The following SSBP2 variants were observed in gnomAD, a reference collection of about 807,000 sequenced individuals.
SSBP2 encodes the protein single stranded DNA binding protein 2.
In SSBP2, 17 loss-of-function variants were observed where a neutral mutation model predicts 61.8. The ratio of observed to expected loss-of-function variants is 0.28; its 90% CI spans 0.19 to 0.41. The LOEUF (loss-of-function observed/expected upper bound fraction) is 0.41. Among genes scored for constraint, SSBP2 ranks in the 10% least tolerant of loss-of-function variants. The pLI is 1.00. For synonymous variants in SSBP2, 139 were observed against 141.3 expected, an observed-to-expected ratio of 0.98 and a Z score of 0.12; for missense variants, 310 against 458.7, an observed-to-expected ratio of 0.68 and a Z score of 2.96.
rs78229408 is a variant in SSBP2 at position 81,488,947 on chromosome 5, A to T, written c.432+303T>A. Among the ~76,000 whole-genome samples the T allele has an allele frequency of 5.6e-3, 849 of 152,242 alleles. 16 individuals carry two copies. The East Asian group carries it at 0.07, about 13-fold the overall frequency. On this transcript the variant is annotated intron_variant, in intron 6 of 16. Coordinates refer to ENST00000320672, the MANE Select transcript of SSBP2 (RefSeq NM_012446.5). Reference sequence around the variant, plus strand: ...TTTTTTCTGTAAAGATCCAAATAGTAAATATTTTAGGGTTGCCGGCCACAT... The same window carrying T: ...TTTTTTCTGTAAAGATCCAAATAGTTAATATTTTAGGGTTGCCGGCCACAT...
intron 2 of SSBP2, among the ~76,000 whole-genome samples, chr5:81,641,364 C>T (rs1275895524): frequency 6.6e-6 from 1 of 152,178 alleles, no homozygotes; most frequent in African/African-American, 2.4e-5. Context: ...AAAAAAGCAT[C>T]ACATATATCA....
intron 9 of SSBP2, among the ~76,000 whole-genome samples, chr5:81,464,029 A>G (rs772662435): frequency 2.8e-4 from 42 of 152,164 alleles, no homozygotes; most frequent in Non-Finnish European, 5.6e-4. Flanking sequence ...TTGACCTCCC[A>G]AAGTGCTGGG....
chr5:81,419,853 T>C lies in SSBP2; in HGVS notation c.*651A>G, dbSNP rs901397293. 1 of 152,224 alleles carries C rather than the reference T, an allele frequency of 6.6e-6. No individual in the cohort carries two copies. Among genetic ancestry groups the C allele is most frequent in the Non-Finnish European group, 1.5e-5 (1 of 68,028 alleles). 9.4% of individuals were successfully genotyped at this position (152,224 alleles called of 1,614,324 possible). A position where few individuals can be genotyped will look rare whatever the true frequency, so the allele number is the denominator to read the frequency against. ...AACTGAGAAATTGTTTGATTCAACA[T>C]AAAGACGAAGACACATTTTCTTCTA... is the stretch of plus-strand genomic sequence containing the variant. On this transcript the variant is annotated 3_prime_UTR_variant, in exon 17 of 17. Transcript: ENST00000320672.
Position 81,437,420 on chromosome 5 carries a change from C to G in SSBP2, c.957+10G>C, listed in dbSNP as rs769842595. On this transcript the variant is annotated intron_variant, in intron 15 of 16. Transcript: ENST00000320672. ...CTGATTAAAAACAACACAGAATACA[C>G]AGCACTCACCTTGGAAATACTGTCC... is the stretch of plus-strand genomic sequence containing the variant. 6.2e-7 allele frequency: 1 copy of G among 1,604,500 alleles called. No individual in the cohort carries two copies. Among genetic ancestry groups the G allele is most frequent in the Admixed American group, 1.7e-5 (1 of 57,608 alleles).
chr5:81,598,459 A>G (rs764110713), intron 4 of SSBP2, among the ~76,000 whole-genome samples: 3 of 152,202 alleles, frequency 2.0e-5, no homozygotes, highest in Non-Finnish European at 4.4e-5. Context: ...CCCTGTCTGA[A>G]TATCTGGACC....
In SSBP2 at chr5:81,617,961, ATG is replaced by A. The variant is rs1746219637; in HGVS notation, c.198-2406_198-2405del. The stretch of plus-strand genomic sequence containing the variant: ...AGAGCTCCTGAAGCAAGCGCTAAAC[ATG>A]GAAAGGAACAACCGGTACCAGCTGC... On this transcript the variant is annotated intron_variant, in intron 3 of 16. Transcript: ENST00000320672. Among the ~76,000 whole-genome samples, 2 of 137,064 alleles carry A rather than the reference ATG, an allele frequency of 1.5e-5. 1 individual carries two copies. The highest frequency in any genetic ancestry group is 5.5e-5 in the African/African-American group (2 of 36,656). The allele number at this position is 137,064 out of a possible 152,430, so 89.9% of individuals were successfully genotyped here.
chr5:81,596,093 C>T (rs377432370), intron 4 of SSBP2, among the ~76,000 whole-genome samples: 20 of 152,254 alleles, frequency 1.3e-4, no homozygotes, highest in Middle Eastern at 3.4e-3. Context: ...AAAACCCCAA[C>T]GTCTCAGCCC....
intron 4 of SSBP2, among the ~76,000 whole-genome samples, chr5:81,592,471 T>A (rs1775599089): frequency 6.6e-6 from 1 of 152,178 alleles, no homozygotes; most frequent in African/African-American, 2.4e-5. Context: ...AATGTCCCTG[T>A]CTGACAGCTT....
chr5:81,628,117 G>C (rs1376900928), intron 3 of SSBP2, among the ~76,000 whole-genome samples: 1 of 152,076 alleles, frequency 6.6e-6, no homozygotes, highest in Non-Finnish European at 1.5e-5. Flanking sequence ...AGACATACCT[G>C]AGACTGGGTA....
At chr5:81,648,214 A>T (rs1749435439) in intron 2 of SSBP2, among the ~76,000 whole-genome samples, 1 of 152,120 alleles carries the variant, frequency 6.6e-6, no homozygotes, top group East Asian at 1.9e-4. Flanking sequence ...AATCTCAATC[A>T]CTTCTTCTAT....
At chr5:81,597,771 C>A (rs1403465097) in intron 4 of SSBP2, among the ~76,000 whole-genome samples, 5 of 148,842 alleles carry the variant, frequency 3.4e-5, no homozygotes, top group Non-Finnish European at 5.9e-5. Context: ...AAAAACCAAA[C>A]ACCGCATGTT....
intron 1 of SSBP2, among the ~76,000 whole-genome samples, chr5:81,737,495 C>T (rs1348242518): frequency 2.0e-5 from 3 of 151,938 alleles, no homozygotes; most frequent in Non-Finnish European, 1.5e-5. Context: ...AAACTGAGCC[C>T]TGTTTGGCCA....
chr5:81,482,616 T>C (rs1419985743), intron 6 of SSBP2, among the ~76,000 whole-genome samples: 1 of 152,182 alleles, frequency 6.6e-6, no homozygotes, highest in African/African-American at 2.4e-5. Context: ...GCTCTCTCAG[T>C]CTTCACAGAA....
intron 4 of SSBP2, among the ~76,000 whole-genome samples, chr5:81,532,583 G>T (rs576591715): frequency 2.0e-5 from 3 of 151,842 alleles, no homozygotes; most frequent in African/African-American, 7.2e-5. Context: ...AATATAAGTG[G>T]TCTAAACACT....
chr5:81,493,502 T>A (rs1767044744), intron 5 of SSBP2, among the ~76,000 whole-genome samples: 2 of 151,964 alleles, frequency 1.3e-5, no homozygotes, highest in Admixed American at 1.3e-4. Flanking sequence ...ACACCTGTAA[T>A]CCCAACACTT....
At chr5:81,698,288 T>A (rs955945438) in intron 1 of SSBP2, among the ~76,000 whole-genome samples, 1 of 152,250 alleles carries the variant, frequency 6.6e-6, no homozygotes, top group Non-Finnish European at 1.5e-5. Context: ...TAGATTGTGA[T>A]GCTATGTGTA....
At chr5:81,726,538 A>G (rs1384575452) in intron 1 of SSBP2, among the ~76,000 whole-genome samples, 2 of 152,246 alleles carry the variant, frequency 1.3e-5, no homozygotes, top group Non-Finnish European at 2.9e-5. Context: ...TAAAACCTGC[A>G]TACTATTACC....
chr5:81,679,034 G>C (rs1205880637), intron 1 of SSBP2, among the ~76,000 whole-genome samples: 2 of 152,110 alleles, frequency 1.3e-5, no homozygotes, highest in Admixed American at 6.5e-5. Flanking sequence ...TTTTGAGATG[G>C]AGTCTCACTC....
intron 6 of SSBP2, among the ~76,000 whole-genome samples, chr5:81,478,953 T>C (rs1765785557): frequency 2.0e-5 from 3 of 152,254 alleles, no homozygotes; most frequent in African/African-American, 4.8e-5. Flanking sequence ...TTCTTGTTTC[T>C]GTTCATCACT....
Sources: allele counts gnomAD v4.1 joint callset (sites outside exome capture counted in the v4.1 genomes callset), GRCh38; gene constraint gnomAD v4.1.1; transcripts MANE v1.5; gene names NCBI Gene and HGNC (gene_info 2026-07-23, HGNC 2026-07-21).